NBEA: variants seen among roughly 807,000 people sequenced by gnomAD.
NBEA encodes neurobeachin.
NBEA carries 44 observed loss-of-function variants against 343.4 expected under a neutral mutation model. The ratio of observed to expected loss-of-function variants is 0.13; its 90% CI spans 0.10 to 0.16. The LOEUF (loss-of-function observed/expected upper bound fraction) is 0.16, where lower values mean the gene tolerates loss of function less well. Ranked by LOEUF, NBEA falls within the 10% of genes least tolerant of loss-of-function variation. The probability of loss-of-function intolerance (pLI) is 1.00; values close to 1 mark genes in which losing one functional copy is unlikely to be tolerated. For missense variants in NBEA, 2,555 were observed against 3,631.3 expected (o/e 0.70, Z 7.62); for synonymous variants, 1,175 against 1,238.7 (o/e 0.95, Z 1.08).
In NBEA at chr13:35,078,946, C is replaced by G. The variant is rs185680342; in HGVS notation, c.1571+8094C>G. 7.4e-3 allele frequency among the ~76,000 whole-genome samples: 1,127 copies of G among 152,052 alleles called. 13 individuals are homozygous for G. Among genetic ancestry groups the G allele is most frequent in the African/African-American group, 0.026 (1,066 of 41,460 alleles). On this transcript the variant is annotated intron_variant, in intron 10 of 58. Coordinates refer to ENST00000379939, the MANE Select transcript of NBEA (RefSeq NM_001385012.1). ...CTGAGGCAGGAGAATTGTTTGAACC[C>G]GGGAGGCGGAGGTTGCAGAGGGCCG...
At chr13:35,357,905 TTC>T (rs1335918189) in intron 38 of NBEA, among the ~76,000 whole-genome samples, 1 of 152,180 alleles carries the variant, frequency 6.6e-6, no homozygotes, top group African/African-American at 2.4e-5. Flanking sequence ...CTCTTCTTTT[TTC>T]TGTTAGTCTG....
intron 11 of NBEA, among the ~76,000 whole-genome samples, chr13:35,107,133 T>C (rs1196372050): frequency 1.3e-5 from 2 of 151,994 alleles, no homozygotes; most frequent in Non-Finnish European, 2.9e-5. Flanking sequence ...AGGAGCTGGC[T>C]ACAGTTTTAA....
chr13:35,394,860 A>G (rs543969277), intron 38 of NBEA, among the ~76,000 whole-genome samples: 22 of 152,076 alleles, frequency 1.4e-4, no homozygotes, highest in Middle Eastern at 3.4e-3. Context: ...TTGGTTTTAG[A>G]TCTTTCTACT....
At chr13:35,024,185 T>C (rs1347997183) in intron 1 of NBEA, among the ~76,000 whole-genome samples, 1 of 152,232 alleles carries the variant, frequency 6.6e-6, no homozygotes, top group Admixed American at 6.5e-5. Flanking sequence ...TTTTTTGTTA[T>C]GGCTGCATAG....
At chr13:35,417,531 G>A (rs2043995168) in intron 38 of NBEA, among the ~76,000 whole-genome samples, 5 of 152,142 alleles carry the variant, frequency 3.3e-5, no homozygotes, top group Admixed American at 2.6e-4. Context: ...TCAGTTTCGT[G>A]TAGTTGAGTG....
intron 39 of NBEA, among the ~76,000 whole-genome samples, chr13:35,450,697 C>A (rs187284639): frequency 6.6e-6 from 1 of 152,282 alleles, no homozygotes; most frequent in Admixed American, 6.5e-5. Flanking sequence ...ATTTATAAGG[C>A]TCCCATTTCC....
intron 34 of NBEA, among the ~76,000 whole-genome samples, chr13:35,242,190 A>G (rs1035679463): frequency 6.6e-6 from 1 of 151,930 alleles, no homozygotes; most frequent in Non-Finnish European, 1.5e-5. Context: ...AAAAGGTTTT[A>G]TGAACACAAG....
chr13:35,063,489 A>T (rs1284411986), intron 8 of NBEA, among the ~76,000 whole-genome samples: 2 of 152,026 alleles, frequency 1.3e-5, no homozygotes, highest in African/African-American at 2.4e-5. Flanking sequence ...TACTTCACAG[A>T]TTAAAGAACA....
At chr13:35,614,741 C>T (rs1249801846) in intron 48 of NBEA, among the ~76,000 whole-genome samples, 1 of 152,232 alleles carries the variant, frequency 6.6e-6, no homozygotes, top group East Asian at 1.9e-4. Context: ...AAACAGCTAT[C>T]TGGCTGGCCT....
chr13:34,963,336 C>G (rs1334407738), intron 1 of NBEA, among the ~76,000 whole-genome samples: 1 of 151,892 alleles, frequency 6.6e-6, no homozygotes, highest in African/African-American at 2.4e-5. Flanking sequence ...ATCTCCTGTT[C>G]TTATGTGAAC....
chr13:35,215,970 A>C (rs923048108), intron 33 of NBEA, among the ~76,000 whole-genome samples: 3 of 151,530 alleles, frequency 2.0e-5, no homozygotes, highest in East Asian at 3.9e-4. Flanking sequence ...TATTGCCATA[A>C]ATTCTTTGTA....
chr13:35,461,220 T>A (rs1035465180), intron 40 of NBEA, among the ~76,000 whole-genome samples: 1 of 152,196 alleles, frequency 6.6e-6, no homozygotes, highest in African/African-American at 2.4e-5. Context: ...AAATCATATA[T>A]AATTTGCATT....
intron 48 of NBEA, among the ~76,000 whole-genome samples, chr13:35,620,201 C>A (rs1268482057): frequency 1.2e-4 from 18 of 151,814 alleles, no homozygotes; most frequent in Admixed American, 1.2e-3. Flanking sequence ...GGGAGACAGG[C>A]GATAGACAAT....
chr13:35,563,554 G>A (rs1369416711), intron 44 of NBEA, among the ~76,000 whole-genome samples: 1 of 151,560 alleles, frequency 6.6e-6, no homozygotes, highest in African/African-American at 2.4e-5. Flanking sequence ...ATATATGACT[G>A]TCCATTTTAC....
intron 1 of NBEA, among the ~76,000 whole-genome samples, chr13:34,995,573 A>G (rs1361379905): frequency 1.3e-5 from 2 of 152,186 alleles, no homozygotes; most frequent in African/African-American, 4.8e-5. Context: ...ACTATCTGCT[A>G]CCTGTTCACC....
chr13:35,475,530 G>C (rs374332851), intron 41 of NBEA: 4 of 1,612,714 alleles, frequency 2.5e-6, no homozygotes, highest in East Asian at 4.5e-5. Flanking sequence ...CTTCCGCCTT[G>C]ACCTCCGCCA....
intron 35 of NBEA, among the ~76,000 whole-genome samples, chr13:35,300,416 C>A (rs761528213): frequency 7.2e-5 from 11 of 152,088 alleles, no homozygotes; most frequent in Non-Finnish European, 1.6e-4. Flanking sequence ...AAGTTTGTTA[C>A]AAAAATTCAG....
chr13:35,331,930 A>G (rs2038949886), intron 36 of NBEA, among the ~76,000 whole-genome samples: 1 of 151,998 alleles, frequency 6.6e-6, no homozygotes, highest in East Asian at 1.9e-4. Flanking sequence ...AAATTATCTG[A>G]TGTTTTATTT....
chr13:35,285,062 T>C (rs1437256107), intron 34 of NBEA, among the ~76,000 whole-genome samples: 1 of 152,160 alleles, frequency 6.6e-6, no homozygotes, highest in Admixed American at 6.6e-5. Flanking sequence ...TCCACGTCTA[T>C]AGTTATTCAA....
Sources: allele counts gnomAD v4.1 joint callset (sites outside exome capture counted in the v4.1 genomes callset), GRCh38; gene constraint gnomAD v4.1.1; transcripts MANE v1.5; gene names NCBI Gene and HGNC (gene_info 2026-07-23, HGNC 2026-07-21).